The following TEX11 variants were observed in gnomAD, a reference collection of about 807,000 sequenced individuals.
The protein encoded by TEX11 is testis expressed 11, also known as testis-expressed protein 11.
A neutral mutation model predicts 84.4 loss-of-function variants in TEX11; 7 were observed. The observed-to-expected ratio is 0.08, with a 90% CI of 0.05 to 0.16. TEX11 has a LOEUF of 0.16. TEX11 is among the 10% of genes least tolerant of loss of function. TEX11 has a pLI of 1.00. For missense variants in TEX11, 551 were observed against 660.5 expected (o/e 0.83, Z 1.82); for synonymous variants, 264 against 222.8 (o/e 1.18, Z -1.64).
chrX:70,807,357 C>T (rs1440700500), intron 8 of TEX11, among the ~76,000 whole-genome samples: 1 of 111,707 alleles, frequency 9.0e-6, no homozygotes, highest in Non-Finnish European at 1.9e-5. Context: ...CATGGACACT[C>T]TTTAGCATCA....
In TEX11 at chrX:70,591,809, A is replaced by T; in HGVS notation, c.2082T>A (p.Ser694Arg). 1 of 1,208,364 alleles carries T rather than the reference A, an allele frequency of 8.3e-7. No homozygotes were observed. The highest frequency in any genetic ancestry group is 1.1e-6 in the Non-Finnish European group (1 of 893,469). The change falls in exon 25 of 30, where the codon AGT becomes AGA. Residue 694 changes from serine to arginine, a missense_variant. Coordinates refer to ENST00000374333, the MANE Select transcript of TEX11 (RefSeq NM_031276.3). ...STAFEQTMFL[S>R]RALEEIQTCN... ...ATGTCTGGATCTCCTCAAGTGCACG[A>T]CTCAGGAACATGGTCTGTTTGGCAA...
At chrX:70,750,934 ATATATATATATATAT>A (rs1340748419) in intron 9 of TEX11, among the ~76,000 whole-genome samples, 1 of 20,802 alleles carries the variant, frequency 4.8e-5, no homozygotes, top group Non-Finnish European at 1.0e-4. Flanking sequence ...AAAAAAAAAA[ATATATATATATATAT>A]ATATATATAT....
chrX:70,644,075 GA>G lies in TEX11; in HGVS notation c.1483+7374del, dbSNP rs1219965160. ...ACAATGAACTCAAACAAATTTACAA[GA>G]AAAAAAAAAACAACCCCATCAAAAA... is the stretch of plus-strand genomic sequence containing the variant. On this transcript the variant is annotated intron_variant, in intron 17 of 29. Transcript: ENST00000374333. 6.0e-5 allele frequency among the ~76,000 whole-genome samples: 6 copies of G among 100,144 alleles called. No homozygotes were observed. In the South Asian group the frequency reaches 1.5e-3, roughly 25 times the overall value. The allele number at this position is 100,144 out of a possible 115,157, so 87.0% of individuals were successfully genotyped here.
intron 4 of TEX11, among the ~76,000 whole-genome samples, chrX:70,861,597 G>A (rs2147859268): frequency 9.1e-6 from 1 of 110,096 alleles, no homozygotes; most frequent in South Asian, 3.9e-4. Flanking sequence ...CTCCCGAGTA[G>A]CTGGGATTAC....
chrX:70,718,460 T>G (rs913493983), intron 13 of TEX11, among the ~76,000 whole-genome samples: 3 of 112,026 alleles, frequency 2.7e-5, no homozygotes, highest in Non-Finnish European at 3.8e-5. Flanking sequence ...ACTAAGAACA[T>G]GTGAATTAAA....
intron 9 of TEX11, among the ~76,000 whole-genome samples, chrX:70,754,659 T>C (rs938267814): frequency 9.0e-6 from 1 of 111,146 alleles, no homozygotes; most frequent in East Asian, 2.8e-4. Flanking sequence ...CCCAGTGCTG[T>C]GCTGGCTTCA....
intron 8 of TEX11, among the ~76,000 whole-genome samples, chrX:70,817,938 A>C (rs2091298032): frequency 9.0e-6 from 1 of 111,491 alleles, no homozygotes; most frequent in Non-Finnish European, 1.9e-5. Context: ...GCAAGATGGC[A>C]GACTAAGAGC....
intron 9 of TEX11, among the ~76,000 whole-genome samples, chrX:70,747,553 C>A (rs765986950): frequency 1.8e-4 from 20 of 111,403 alleles, no homozygotes; most frequent in Non-Finnish European, 3.2e-4. Flanking sequence ...AAAAGTGTGA[C>A]CTACACAGAA....
rs1241520627 is a variant in TEX11, at chrX:70,695,416, T to A, written c.1005-12591A>T. 3.6e-5 allele frequency among the ~76,000 whole-genome samples: 4 copies of A among 111,837 alleles called. No individual in the cohort carries two copies. In the Admixed American group the frequency reaches 3.8e-4, roughly 11 times the overall value. On this transcript the variant is annotated intron_variant, in intron 13 of 29. Coordinates refer to ENST00000374333, the MANE Select transcript of TEX11 (RefSeq NM_031276.3). ...TTCATTTATATAAAAATCTAGAAAA[T>A]ACAAATGAAGCTATAGTGACATTCA...
intron 2 of TEX11, among the ~76,000 whole-genome samples, chrX:70,893,188 A>C (rs2091748280): frequency 9.0e-6 from 1 of 111,437 alleles, no homozygotes; most frequent in South Asian, 3.8e-4. Flanking sequence ...ACTCAACTCT[A>C]GACCAAGTGG....
chrX:70,797,713 A>G (rs2091163658), intron 9 of TEX11, among the ~76,000 whole-genome samples: 1 of 107,043 alleles, frequency 9.3e-6, no homozygotes, highest in Non-Finnish European at 1.9e-5. Context: ...AAAAATCAAT[A>G]AATGTGATAC....
At chrX:70,654,134 T>A (rs1351590199) in intron 16 of TEX11, among the ~76,000 whole-genome samples, 1 of 111,686 alleles carries the variant, frequency 9.0e-6, no homozygotes, top group African/African-American at 3.3e-5. Context: ...CCACATATGA[T>A]GTACAACACA....
At chrX:70,733,350 T>C (rs1484723260) in intron 11 of TEX11, among the ~76,000 whole-genome samples, 1 of 111,113 alleles carries the variant, frequency 9.0e-6, no homozygotes, top group East Asian at 2.8e-4. Flanking sequence ...GAAACTATCA[T>C]GAGGGTGAAC....
intron 25 of TEX11, among the ~76,000 whole-genome samples, chrX:70,577,827 A>C (rs5980715): frequency 0.21 from 22,102 of 107,246 alleles, 1,906 homozygotes; most frequent in African/African-American, 0.24. Flanking sequence ...TCCTGGGTTC[A>C]AGTGATTCTC....
intron 9 of TEX11, among the ~76,000 whole-genome samples, chrX:70,767,985 T>G (rs2090950983): frequency 9.0e-6 from 1 of 110,753 alleles, no homozygotes; most frequent in Non-Finnish European, 1.9e-5. Context: ...GGAAAGGGTT[T>G]GGGGGTGGTT....
At chrX:70,608,291 A>G (rs2089217824) in intron 22 of TEX11, among the ~76,000 whole-genome samples, 1 of 112,089 alleles carries the variant, frequency 8.9e-6, no homozygotes, top group African/African-American at 3.2e-5. Context: ...TTATAACACC[A>G]TATATTAGTT....
rs767570126 is a variant in TEX11 at position 70,715,216 on chromosome X, T to G, written c.1004+7402A>C. Among the ~76,000 whole-genome samples, 1,012 of 102,439 alleles carry G rather than the reference T, an allele frequency of 9.9e-3. 48 individuals carry two copies. Among genetic ancestry groups the G allele is most frequent in the African/African-American group, 0.037 (844 of 22,969 alleles). The allele number at this position is 102,439 out of a possible 115,157, so 89.0% of individuals were successfully genotyped here. Reference sequence around the variant, plus strand: ...GGCAACCCGACCTTTCTCTCTGGCTTCACTTAACATTTTTTCCTTCATTTC... The same window carrying G: ...GGCAACCCGACCTTTCTCTCTGGCTGCACTTAACATTTTTTCCTTCATTTC... On this transcript the variant is annotated intron_variant, in intron 13 of 29. Transcript: ENST00000374333.
chrX:70,717,063 T>C (rs1363692064), intron 13 of TEX11, among the ~76,000 whole-genome samples: 3 of 111,627 alleles, frequency 2.7e-5, no homozygotes, highest in Admixed American at 9.5e-5. Flanking sequence ...CCAAAGCCTA[T>C]GCTCTTCCCT....
intron 13 of TEX11, among the ~76,000 whole-genome samples, chrX:70,710,190 C>T (rs2090414928): frequency 9.0e-6 from 1 of 110,664 alleles, no homozygotes; most frequent in African/African-American, 3.3e-5. Context: ...AACATTGTAA[C>T]TAGGAAAAAT....
Sources: gnomAD v4.1 joint callset for allele counts (sites outside exome capture counted in the v4.1 genomes callset) on GRCh38, gnomAD v4.1.1 for gene constraint, MANE v1.5 for transcripts, NCBI Gene and HGNC (gene_info 2026-07-23, HGNC 2026-07-21) for gene names.